FGF12: variants seen among roughly 807,000 people sequenced by gnomAD.
FGF12 encodes the protein fibroblast growth factor 12B.
Under a neutral mutation model 23.6 loss-of-function variants are expected in FGF12, and 14 were observed. The observed-to-expected ratio is 0.59, with a 90% confidence interval of 0.39 to 0.93. The LOEUF (loss-of-function observed/expected upper bound fraction) is 0.93. FGF12 is among the 40% of genes least tolerant of loss of function. FGF12 has a pLI of 0.00. For missense variants in FGF12, 175 were observed against 217.8 expected (o/e 0.80, Z 1.24); for synonymous variants, 62 against 77.3 (o/e 0.80, Z 1.04).
intron 2 of FGF12, among the ~76,000 whole-genome samples, chr3:192,403,768 A>C (rs1720854099): frequency 6.6e-6 from 1 of 152,156 alleles, no homozygotes; most frequent in African/African-American, 2.4e-5. Context: ...ACATGATTAA[A>C]CATTATTTCA....
intron 5 of FGF12, among the ~76,000 whole-genome samples, chr3:192,160,623 T>C (rs1320558030): frequency 6.6e-6 from 1 of 152,190 alleles, no homozygotes; most frequent in Non-Finnish European, 1.5e-5. Flanking sequence ...TTGCGTATTT[T>C]TTACCCATTT....
At chr3:192,693,130 CT>C (rs1298682650) in intron 2 of FGF12, among the ~76,000 whole-genome samples, 1 of 151,906 alleles carries the variant, frequency 6.6e-6, no homozygotes, top group African/African-American at 2.4e-5. Context: ...AATTGTATAT[CT>C]TTACACTAAA....
chr3:192,358,881 C>T (rs1718596341), intron 3 of FGF12, among the ~76,000 whole-genome samples: 1 of 152,038 alleles, frequency 6.6e-6, no homozygotes, highest in African/African-American at 2.4e-5. Flanking sequence ...ATATCATCAC[C>T]ATCTCCAGCC....
chr3:192,178,946 C>T lies in FGF12; in HGVS notation c.229-8290G>A, dbSNP rs1038809371. On this transcript the variant is annotated intron_variant, in intron 4 of 5. Transcript: ENST00000445105. ...AACAACTCCAGAGACAGAGTCCTTTCGGTTATTCTCACTGGATATTTGGCT... is the reference window on the plus strand; with the variant it reads ...AACAACTCCAGAGACAGAGTCCTTTTGGTTATTCTCACTGGATATTTGGCT... Among the ~76,000 whole-genome samples, 18 of 152,282 alleles carry T rather than the reference C, an allele frequency of 1.2e-4. No homozygotes were observed. In the South Asian group the frequency reaches 1.9e-3, roughly 16 times the overall value.
At chr3:192,506,970 A>C (rs1431396745) in intron 2 of FGF12, among the ~76,000 whole-genome samples, 4 of 144,152 alleles carry the variant, frequency 2.8e-5, no homozygotes, top group South Asian at 2.2e-4. Context: ...CGGCTCACTG[A>C]AAGCTCCGCC....
chr3:192,192,594 T>A (rs1264408251), intron 4 of FGF12, among the ~76,000 whole-genome samples: 1 of 151,544 alleles, frequency 6.6e-6, no homozygotes, highest in Admixed American at 6.6e-5. Flanking sequence ...TAGTAATAAC[T>A]TTTTTCTTCT....
At chr3:192,335,052 A>G (rs1267559621) in intron 4 of FGF12, among the ~76,000 whole-genome samples, 1 of 152,164 alleles carries the variant, frequency 6.6e-6, no homozygotes, top group Non-Finnish European at 1.5e-5. Context: ...ATAACAAGAG[A>G]AAAGAAAAAT....
intron 2 of FGF12, among the ~76,000 whole-genome samples, chr3:192,458,732 T>A (rs536569539): frequency 3.3e-5 from 5 of 152,216 alleles, no homozygotes; most frequent in South Asian, 2.1e-4. Context: ...GAGTTAAGAC[T>A]TTGAGGGACT....
chr3:192,291,267 T>C (rs937196153), intron 4 of FGF12, among the ~76,000 whole-genome samples: 3 of 152,142 alleles, frequency 2.0e-5, no homozygotes, highest in Non-Finnish European at 4.4e-5. Flanking sequence ...GAGAATCTTA[T>C]GGATGTTACT....
At chr3:192,298,992 G>A (rs1715196422) in intron 4 of FGF12, among the ~76,000 whole-genome samples, 2 of 152,100 alleles carry the variant, frequency 1.3e-5, no homozygotes, top group South Asian at 4.1e-4. Flanking sequence ...CTCAAGAATG[G>A]CACCAGGCAA....
intron 2 of FGF12, among the ~76,000 whole-genome samples, chr3:192,489,242 T>C (rs1034040775): frequency 6.6e-6 from 1 of 152,136 alleles, no homozygotes; most frequent in South Asian, 2.1e-4. Context: ...ATACTACACA[T>C]AAAAAGACTT....
intron 2 of FGF12, among the ~76,000 whole-genome samples, chr3:192,520,099 G>A (rs1724779525): frequency 6.6e-6 from 1 of 152,040 alleles, no homozygotes. Context: ...TTCTTACTGG[G>A]GTGTTATTGC....
rs576223784 is a variant in FGF12, at chr3:192,458,757, A to G, written c.14-98219T>C. On this transcript the variant is annotated intron_variant, in intron 2 of 5. Transcript: ENST00000445105. The stretch of plus-strand genomic sequence containing the variant: ...TTTGAGGGACTGTTGGGAAGGCACA[A>G]TTGGTTTTAAAATTTGAGGACATGA... 5.3e-5 allele frequency among the ~76,000 whole-genome samples: 8 copies of G among 152,232 alleles called. No homozygotes were observed. In the South Asian group the frequency reaches 8.3e-4, roughly 16 times the overall value.
intron 2 of FGF12, among the ~76,000 whole-genome samples, chr3:192,610,767 C>T (rs55888696): frequency 6.6e-6 from 1 of 151,990 alleles, no homozygotes; most frequent in African/African-American, 2.4e-5. Context: ...ACTCCTAATA[C>T]CCTGGCTATT....
At chr3:192,661,106 A>C (rs185053338) in intron 2 of FGF12, among the ~76,000 whole-genome samples, 21 of 152,340 alleles carry the variant, frequency 1.4e-4, no homozygotes, top group Non-Finnish European at 2.8e-4. Context: ...GATGAGATAA[A>C]AAGACAATTT....
intron 2 of FGF12, among the ~76,000 whole-genome samples, chr3:192,668,141 C>T (rs1291163611): frequency 6.6e-6 from 1 of 150,962 alleles, no homozygotes; most frequent in Non-Finnish European, 1.5e-5. Context: ...AGATTAAGCA[C>T]ATACCAAAAA....
intron 2 of FGF12, among the ~76,000 whole-genome samples, chr3:192,389,981 T>C (rs1720223832): frequency 6.6e-6 from 1 of 152,208 alleles, no homozygotes; most frequent in Admixed American, 6.5e-5. Context: ...GAAAAAGCTG[T>C]CCTGTAGGCT....
intron 2 of FGF12, among the ~76,000 whole-genome samples, chr3:192,708,862 G>A (rs1718573955): frequency 6.6e-6 from 1 of 152,290 alleles, no homozygotes; most frequent in South Asian, 2.1e-4. Context: ...GATGTATTGT[G>A]CTTTGAATGA....
chr3:192,349,002 G>C (rs1718087193), intron 3 of FGF12, among the ~76,000 whole-genome samples: 1 of 152,106 alleles, frequency 6.6e-6, no homozygotes, highest in Non-Finnish European at 1.5e-5. Flanking sequence ...ACACGTAGGT[G>C]ACCATTTTAT....
Sources: allele counts gnomAD v4.1 joint callset (sites outside exome capture counted in the v4.1 genomes callset), GRCh38; gene constraint gnomAD v4.1.1; transcripts MANE v1.5; gene names NCBI Gene and HGNC (gene_info 2026-07-23, HGNC 2026-07-21).